ZFHX3: variants seen among roughly 807,000 people sequenced by gnomAD.
ZFHX3 encodes zinc finger homeobox protein 3.
Under a neutral mutation model 279.1 loss-of-function variants are expected in ZFHX3, and 42 were observed. The ratio of observed to expected loss-of-function variants is 0.15; its 90% CI spans 0.12 to 0.19. ZFHX3 has a LOEUF of 0.19. Ranked by LOEUF, ZFHX3 falls within the 10% of genes least tolerant of loss-of-function variation. The probability of loss-of-function intolerance (pLI) is 1.00; values close to 1 mark genes in which losing one functional copy is unlikely to be tolerated. For missense variants in ZFHX3, 4,981 were observed against 4,754.0 expected (o/e 1.05, Z -1.40); for synonymous variants, 2,293 against 1,957.8 (o/e 1.17, Z -4.52).
At chr16:73,596,863 G>A (rs903034141) in intron 2 of ZFHX3, among the ~76,000 whole-genome samples, 2 of 152,074 alleles carry the variant, frequency 1.3e-5, no homozygotes, top group Non-Finnish European at 2.9e-5. Context: ...CTGTACAAAT[G>A]AAGAAATGAA....
chr16:73,116,259 G>A (rs1966432378), intron 7 of ZFHX3, among the ~76,000 whole-genome samples: 1 of 152,162 alleles, frequency 6.6e-6, no homozygotes, highest in South Asian at 2.1e-4. Flanking sequence ...GAGCCGGGTT[G>A]AGTGGGTGGG....
chr16:73,048,353 C>G (rs1965378333), upstream of ZFHX3: 1 of 151,680 alleles, frequency 6.6e-6, no homozygotes, highest in Admixed American at 6.6e-5. Context: ...CGCAGGGACC[C>G]GGGGACGCAC....
At chr16:73,424,132 A>G (rs1317519108) in intron 3 of ZFHX3, among the ~76,000 whole-genome samples, 1 of 152,142 alleles carries the variant, frequency 6.6e-6, no homozygotes, top group African/African-American at 2.4e-5. Flanking sequence ...ACTGTTTCAT[A>G]TTATTTAAGC....
chr16:73,711,410 G>A (rs1037227245), intron 1 of ZFHX3, among the ~76,000 whole-genome samples: 3 of 152,174 alleles, frequency 2.0e-5, no homozygotes, highest in African/African-American at 7.2e-5. Flanking sequence ...AACAAGAAAC[G>A]AACAGTGAGC....
At chr16:72,881,639 T>C (rs1437326356) in intron 4 of ZFHX3, among the ~76,000 whole-genome samples, 1 of 152,090 alleles carries the variant, frequency 6.6e-6, no homozygotes, top group Admixed American at 6.5e-5. Context: ...TCGAGAAACA[T>C]CCATTCAGGC....
At chr16:72,918,136 C>A (rs1043223550) in intron 3 of ZFHX3, among the ~76,000 whole-genome samples, 1 of 152,172 alleles carries the variant, frequency 6.6e-6, no homozygotes, top group South Asian at 2.1e-4. Flanking sequence ...TCCCTGTGAT[C>A]CACACGAGTG....
chr16:73,222,301 T>C (rs2012448528), intron 5 of ZFHX3, among the ~76,000 whole-genome samples: 1 of 152,020 alleles, frequency 6.6e-6, no homozygotes, highest in South Asian at 2.1e-4. Context: ...ACAGATGATA[T>C]CGTCTATGTA....
intron 5 of ZFHX3, among the ~76,000 whole-genome samples, chr16:73,240,377 C>A (rs1056964180): frequency 2.6e-5 from 4 of 152,000 alleles, no homozygotes; most frequent in Admixed American, 1.3e-4. Flanking sequence ...TGCCACCATG[C>A]CTGGATCATT....
At chr16:72,869,224 A>C (rs957111214) in intron 4 of ZFHX3, among the ~76,000 whole-genome samples, 4 of 152,204 alleles carry the variant, frequency 2.6e-5, no homozygotes, top group Non-Finnish European at 5.9e-5. Flanking sequence ...TAGAAACACG[A>C]AACAGCAAGC....
At chr16:73,876,836 C>A (rs913997425) in intron 1 of ZFHX3, among the ~76,000 whole-genome samples, 1 of 152,158 alleles carries the variant, frequency 6.6e-6, no homozygotes. Flanking sequence ...GTCTAATGTC[C>A]TTTCTCCACC....
chr16:73,518,326 C>T (rs2019557169), intron 2 of ZFHX3, among the ~76,000 whole-genome samples: 1 of 152,154 alleles, frequency 6.6e-6, no homozygotes, highest in African/African-American at 2.4e-5. Flanking sequence ...GTCTTATTTC[C>T]CTGAATAAGG....
chr16:72,848,359 T>C (rs1391677775), intron 4 of ZFHX3, among the ~76,000 whole-genome samples: 2 of 152,116 alleles, frequency 1.3e-5, no homozygotes, highest in Non-Finnish European at 2.9e-5. Context: ...GCCTTCAAAG[T>C]TGTTTATGAT....
intron 1 of ZFHX3, among the ~76,000 whole-genome samples, chr16:73,843,962 A>G (rs1013653111): frequency 1.3e-5 from 2 of 152,212 alleles, no homozygotes; most frequent in East Asian, 3.8e-4. Flanking sequence ...TCTTTTTTCA[A>G]CGATTTAAAA....
intron 2 of ZFHX3, among the ~76,000 whole-genome samples, chr16:73,549,566 G>A (rs1344384030): frequency 1.3e-5 from 2 of 152,048 alleles, no homozygotes; most frequent in African/African-American, 4.8e-5. Context: ...ACTATTTCAA[G>A]CCTTTTCTAA....
chr16:72,910,569 C>A (rs1196773969), intron 3 of ZFHX3, among the ~76,000 whole-genome samples: 2 of 152,158 alleles, frequency 1.3e-5, no homozygotes, highest in African/African-American at 4.8e-5. Context: ...TCATAAGCAC[C>A]TTGAGACATT....
chr16:73,068,516 T>C (rs1374998595), intron 8 of ZFHX3, among the ~76,000 whole-genome samples: 1 of 152,240 alleles, frequency 6.6e-6, no homozygotes, highest in African/African-American at 2.4e-5. Context: ...ATCCTAGGAT[T>C]ACAGGGTTGG....
intron 1 of ZFHX3, among the ~76,000 whole-genome samples, chr16:73,725,088 T>C (rs1052258310): frequency 1.3e-5 from 2 of 152,224 alleles, no homozygotes; most frequent in Non-Finnish European, 2.9e-5. Flanking sequence ...AGGGCCTCAG[T>C]CGAGATGTAG....
intron 1 of ZFHX3, among the ~76,000 whole-genome samples, chr16:73,761,968 C>T (rs1259783268): frequency 1.3e-5 from 2 of 151,964 alleles, no homozygotes; most frequent in African/African-American, 2.4e-5. Flanking sequence ...GCAACAAAAA[C>T]CAAACTTGAC....
intron 2 of ZFHX3, chr16:73,483,347 G>GAC (rs71705565): frequency 2.6e-6 from 1 of 378,294 alleles, no homozygotes; most frequent in East Asian, 1.4e-4. Context: ...CAGAGAGAGA[G>GAC]AGAAAGAGAG....
Sources: allele counts gnomAD v4.1 joint callset (sites outside exome capture counted in the v4.1 genomes callset), GRCh38; gene constraint gnomAD v4.1.1; transcripts MANE v1.5; gene names NCBI Gene and HGNC (gene_info 2026-07-23, HGNC 2026-07-21).